The following SPTA1 variants were observed in gnomAD, a reference collection of about 807,000 sequenced individuals.
The protein encoded by SPTA1 is spectrin alpha chain, erythrocytic 1.
Under a neutral mutation model 324.7 loss-of-function variants are expected in SPTA1, and 177 were observed. That is an observed-to-expected ratio of 0.55 (90% CI 0.48 to 0.62). The LOEUF (loss-of-function observed/expected upper bound fraction) is 0.62, where lower values mean the gene tolerates loss of function less well. Among genes scored for constraint, SPTA1 ranks in the 20% least tolerant of loss-of-function variants. SPTA1 has a pLI of 0.00. For synonymous variants in SPTA1, 1,195 were observed against 1,041.3 expected (o/e 1.15, Z -2.84); for missense variants, 3,162 against 2,883.6 (o/e 1.10, Z -2.21).
At chr1:158,683,271 G>T in intron 3 of SPTA1, 100 bp downstream of exon 3, 2 of 1,558,942 alleles carry the variant, frequency 1.3e-6, no homozygotes, top group Non-Finnish European at 8.8e-7. Context: ...GGAGTCCTGG[G>T]TATAAGCCAG....
intron 10 of SPTA1, among the ~76,000 whole-genome samples, chr1:158,673,746 G>A (rs1557985420): frequency 1.3e-5 from 2 of 152,130 alleles, no homozygotes; most frequent in Non-Finnish European, 2.9e-5. Context: ...ATGGAATGGA[G>A]GTTTCAAATT....
chr1:158,655,480 C>A (rs777269105), intron 20 of SPTA1, among the ~76,000 whole-genome samples: 1 of 152,130 alleles, frequency 6.6e-6, no homozygotes, highest in Non-Finnish European at 1.5e-5. Flanking sequence ...ACCGACAGAG[C>A]CCTCTAATTT....
chr1:158,642,370 T>C (rs377111269), intron 33 of SPTA1, 41 bp downstream of exon 33: 1 of 1,605,148 alleles, frequency 6.2e-7, no homozygotes. Context: ...ATGATTCCTC[T>C]TCATGTGACT....
chr1:158,616,992 A>G (rs1022150762), intron 47 of SPTA1, among the ~76,000 whole-genome samples: 1 of 152,004 alleles, frequency 6.6e-6, no homozygotes, highest in Non-Finnish European at 1.5e-5. Context: ...TTTTTTTGTT[A>G]GAAAAAAATT....
At chr1:158,612,098 T>C (rs1649290974) in intron 51 of SPTA1, 1 of 154,422 alleles carries the variant, frequency 6.5e-6, no homozygotes, top group Non-Finnish European at 1.4e-5. Context: ...TAATCTGGTT[T>C]CTGCTTAATT....
chr1:158,617,665 T>G (rs2101754485), intron 46 of SPTA1, 77 bp from the exon 47 acceptor site: 3 of 1,379,012 alleles, frequency 2.2e-6, no homozygotes, highest in Non-Finnish European at 2.1e-6. Flanking sequence ...AACTCGAAGC[T>G]CCTCTGTTTC....
At chr1:158,666,190 T>C (rs962724509) in intron 16 of SPTA1, 126 bp downstream of exon 16, 10 of 845,300 alleles carry the variant, frequency 1.2e-5, no homozygotes, top group Middle Eastern at 3.4e-4. Context: ...TCAGAGCATA[T>C]ACACCCATTG....
At chr1:158,674,518 C>T (rs1450548193) in intron 9 of SPTA1, 22 bp downstream of exon 9, 1 of 1,614,096 alleles carries the variant, frequency 6.2e-7, no homozygotes, top group Admixed American at 1.7e-5. Flanking sequence ...CCTCCTCCTA[C>T]TGGGCAGCCT....
intron 37 of SPTA1, among the ~76,000 whole-genome samples, chr1:158,636,284 G>A (rs550800120): frequency 4.5e-4 from 69 of 152,080 alleles, no homozygotes; most frequent in African/African-American, 6.3e-4. Flanking sequence ...CTGCTTTTTC[G>A]TCTATTCATG....
rs776850137 is a variant in SPTA1 at position 158,677,727 on chromosome 1, T to C, written c.920A>G (p.Lys307Arg). 4.3e-6 allele frequency: 7 copies of C among 1,613,510 alleles called. No individual in the cohort carries two copies. Among genetic ancestry groups the C allele is most frequent in the Non-Finnish European group, 5.1e-6 (6 of 1,179,746 alleles). Reference protein sequence around the residue: ...VASEGLFHSHKGLERNLAVMS... With the variant: ...VASEGLFHSHRGLERNLAVMS... ...GACAGCAAGATTTCTCTCAAGTCCC[T>C]TGTGACTGTGAAACAGTCCTTCAGA... is the stretch of plus-strand genomic sequence containing the variant. The change falls in exon 7 of 52, where the codon AAG (lysine) becomes AGG (arginine). Residue 307 changes from lysine (K) to arginine (R), a missense_variant. Coordinates refer to ENST00000643759, the MANE Select transcript of SPTA1 (RefSeq NM_003126.4).
At chr1:158,645,161 G>C in intron 29 of SPTA1, 27 bp downstream of exon 29, 1 of 1,612,840 alleles carries the variant, frequency 6.2e-7, no homozygotes, top group East Asian at 2.2e-5. Flanking sequence ...TACTGAACCT[G>C]CTTAACAATT....
In SPTA1 at chr1:158,620,321, A is replaced by G; in HGVS notation, c.6266T>C (p.Leu2089Ser). The G allele has an allele frequency of 6.2e-7, 1 of 1,614,126 alleles. No homozygotes were observed. The highest frequency in any genetic ancestry group is 1.1e-5 in the South Asian group (1 of 91,080). The change falls in exon 44 of 52, where the codon TTG (leucine) becomes TCG (serine). Residue 2089 changes from leucine (L) to serine (S), a missense_variant. By Grantham distance (145) the Leu-to-Ser change is moderately radical. Transcript: ENST00000643759. ...TGCTTGAGCCCTAGCCAGGGAGGCCAAGAAGTCCTCATGGTCTTTCTGCAG... is the reference window on the plus strand; with the variant it reads ...TGCTTGAGCCCTAGCCAGGGAGGCCGAGAAGTCCTCATGGTCTTTCTGCAG... ...RQLQKDHEDF[L>S]ASLARAQADF...
intron 5 of SPTA1, among the ~76,000 whole-genome samples, chr1:158,679,493 T>G (rs750615849): frequency 2.0e-5 from 3 of 152,156 alleles, no homozygotes; most frequent in Admixed American, 2.0e-4. Context: ...TTTCATTTTC[T>G]ATTCTCACAC....
chr1:158,641,621 C>T (rs544534226), intron 33 of SPTA1, among the ~76,000 whole-genome samples: 3 of 152,278 alleles, frequency 2.0e-5, no homozygotes, highest in East Asian at 3.9e-4. Context: ...TACCATCTCA[C>T]ACCAGTTAGA....
At chr1:158,662,632 C>T (rs940371842) in intron 17 of SPTA1, 70 bp downstream of exon 17, 258 of 1,606,948 alleles carry the variant, frequency 1.6e-4, no homozygotes, top group Middle Eastern at 2.2e-4. Context: ...AACTACTGTA[C>T]CCCAGATCTC....
rs919968945 is a variant in SPTA1, at chr1:158,651,884, T to G, written c.3376-416A>C. Among the ~76,000 whole-genome samples, 267 of 108,636 alleles carry G rather than the reference T, an allele frequency of 2.5e-3. 1 individual carries two copies. The highest frequency in any genetic ancestry group is 0.024 in the African/African-American group (247 of 10,354). The allele number at this position is 108,636 out of a possible 152,430, so 71.3% of individuals were successfully genotyped here. On this transcript the variant is annotated intron_variant, in intron 23 of 51. Coordinates refer to ENST00000643759, the MANE Select transcript of SPTA1 (RefSeq NM_003126.4). ...TAAGAAACAGCTCTAGGGAGTGCTC[T>G]CTCTCTCTCTCTCTCTCTCTCTCTC... is the stretch of plus-strand genomic sequence containing the variant.
intron 5 of SPTA1, among the ~76,000 whole-genome samples, chr1:158,680,054 CTT>C (rs1491375861): frequency 6.6e-6 from 1 of 152,016 alleles, no homozygotes; most frequent in African/African-American, 2.4e-5. Context: ...TACATGTAAA[CTT>C]ATATATATAT....
chr1:158,612,617 C>G, intron 51 of SPTA1, 200 bp downstream of exon 51: 2 of 595,802 alleles, frequency 3.4e-6, no homozygotes, highest in Non-Finnish European at 6.0e-6. Context: ...CTCTCACATT[C>G]AATAGAGTAC....
At chr1:158,646,659 T>C (rs1295809119) in intron 27 of SPTA1, among the ~76,000 whole-genome samples, 1 of 152,090 alleles carries the variant, frequency 6.6e-6, no homozygotes, top group Non-Finnish European at 1.5e-5. Flanking sequence ...GAAGCACCAT[T>C]GGAATGGGTG....
Sources: gnomAD v4.1 joint callset for allele counts (sites outside exome capture counted in the v4.1 genomes callset) on GRCh38, gnomAD v4.1.1 for gene constraint, MANE v1.5 for transcripts, NCBI Gene and HGNC (gene_info 2026-07-23, HGNC 2026-07-21) for gene names.